The following FARP1 variants were observed in gnomAD, a reference collection of about 807,000 sequenced individuals.
FARP1 encodes FERM, ARHGEF and pleckstrin domain-containing protein 1.
FARP1 carries 52 observed loss-of-function variants against 128.8 expected under a neutral mutation model. That is an observed-to-expected ratio of 0.40 (90% confidence interval 0.32 to 0.51). The LOEUF is 0.51. Among genes scored for constraint, FARP1 ranks in the 20% least tolerant of loss-of-function variants. The pLI is 0.45. For missense variants in FARP1, 1,333 were observed against 1,367.9 expected (o/e 0.97, Z 0.40); for synonymous variants, 580 against 551.8 (o/e 1.05, Z -0.72).
chr13:98,405,473 G>C (rs1308171753), intron 13 of FARP1: 3 of 152,278 alleles, frequency 2.0e-5, no homozygotes, highest in Middle Eastern at 3.4e-3. Context: ...TCAGTCTGAG[G>C]GGGGCAGCAT....
At chr13:98,253,673 G>T (rs562450296) in intron 2 of FARP1, among the ~76,000 whole-genome samples, 8 of 152,182 alleles carry the variant, frequency 5.3e-5, no homozygotes, top group Non-Finnish European at 1.2e-4. Flanking sequence ...ATCCAAGGTC[G>T]CACCGCTAAG....
chr13:98,361,076 A>G (rs1402560184), intron 3 of FARP1, among the ~76,000 whole-genome samples: 1 of 152,204 alleles, frequency 6.6e-6, no homozygotes, highest in African/African-American at 2.4e-5. Flanking sequence ...AGCAAAGGCC[A>G]GTGCTTTCAC....
intron 2 of FARP1, among the ~76,000 whole-genome samples, chr13:98,259,201 G>C (rs1184932114): frequency 1.3e-5 from 2 of 152,126 alleles, no homozygotes; most frequent in Admixed American, 1.3e-4. Context: ...CTGGGCAACA[G>C]AGCAAGACCC....
rs373394906 is a variant in FARP1, at chr13:98,423,052, C to CA, written c.1827-1519dup. On this transcript the variant is annotated intron_variant, in intron 16 of 26. Coordinates refer to ENST00000319562, the MANE Select transcript of FARP1 (RefSeq NM_005766.4). ...GAACTTGGGGTCTGATGTTTGAGGG[C>CA]AGGAAGCATCCAGCACAGGAGAAAG... Among the ~76,000 whole-genome samples the CA allele has an allele frequency of 7.1e-3, 1,081 of 152,320 alleles. 11 individuals carry two copies. Among genetic ancestry groups the CA allele is most frequent in the South Asian group, 0.033 (161 of 4,826 alleles).
intron 1 of FARP1, among the ~76,000 whole-genome samples, chr13:98,149,246 T>A (rs1002976787): frequency 6.6e-6 from 1 of 152,136 alleles, no homozygotes; most frequent in African/African-American, 2.4e-5. Flanking sequence ...TCTCTTCTGT[T>A]CCTCTTCCCT....
intron 6 of FARP1, among the ~76,000 whole-genome samples, chr13:98,383,353 A>G (rs941539136): frequency 1.3e-5 from 2 of 152,212 alleles, no homozygotes; most frequent in East Asian, 1.9e-4. Flanking sequence ...AGAAAAGGCA[A>G]TTAGGAAATA....
intron 2 of FARP1, among the ~76,000 whole-genome samples, chr13:98,245,489 G>C (rs1883004532): frequency 6.6e-6 from 1 of 152,118 alleles, no homozygotes; most frequent in African/African-American, 2.4e-5. Context: ...GAGTGACACA[G>C]GAGGCATTTT....
intron 1 of FARP1, among the ~76,000 whole-genome samples, chr13:98,184,318 G>A (rs541888152): frequency 8.5e-5 from 13 of 152,120 alleles, no homozygotes; most frequent in Non-Finnish European, 1.5e-4. Context: ...GGGTTTCACC[G>A]TGTTGGCCAG....
chr13:98,443,567 TC>T lies in FARP1; in HGVS notation c.2797-2528del, dbSNP rs1232034105. 2.0e-5 allele frequency among the ~76,000 whole-genome samples: 3 copies of T among 152,072 alleles called. No individual in the cohort carries two copies. The East Asian group carries it at 5.8e-4, about 29-fold the overall frequency. ...GTGCCCAGCCTCTCCCAGTTCCCACTCCCGTCTGACTCGTGTAGGCACACTT... is the reference window on the plus strand; with the variant it reads ...GTGCCCAGCCTCTCCCAGTTCCCACTCCGTCTGACTCGTGTAGGCACACTT... On this transcript the variant is annotated intron_variant, in intron 24 of 26. Transcript: ENST00000319562.
At chr13:98,193,509 T>G (rs1879376315) in intron 1 of FARP1, among the ~76,000 whole-genome samples, 1 of 152,248 alleles carries the variant, frequency 6.6e-6, no homozygotes, top group Admixed American at 6.5e-5. Context: ...CTGGCATTTC[T>G]TGGTGTTAGT....
intron 1 of FARP1, chr13:98,177,081 C>G (rs1594234145): frequency 1.3e-6 from 2 of 1,597,894 alleles, no homozygotes; most frequent in Non-Finnish European, 1.7e-6. Context: ...CTGTGTCGCC[C>G]TCGTCCCCGC....
chr13:98,267,033 A>C (rs1464114296), intron 2 of FARP1, among the ~76,000 whole-genome samples: 1 of 150,154 alleles, frequency 6.7e-6, no homozygotes, highest in Non-Finnish European at 1.5e-5. Flanking sequence ...AAAAAAAAAA[A>C]AGGGGTGGTA....
At chr13:98,205,267 TC>T (rs1191137424) in intron 1 of FARP1, among the ~76,000 whole-genome samples, 2 of 152,208 alleles carry the variant, frequency 1.3e-5, no homozygotes, top group Non-Finnish European at 2.9e-5. Context: ...ATCTTTAATT[TC>T]TAAAATGTTT....
chr13:98,223,078 G>A (rs1881522754), intron 2 of FARP1, among the ~76,000 whole-genome samples: 2 of 152,112 alleles, frequency 1.3e-5, no homozygotes, highest in African/African-American at 4.8e-5. Context: ...AATGTCAGGG[G>A]ACTGACAGAT....
intron 4 of FARP1, 95 bp from the exon 5 acceptor site, chr13:98,368,022 G>A: frequency 1.0e-6 from 1 of 952,440 alleles, no homozygotes; most frequent in Non-Finnish European, 1.6e-6. Context: ...AGCTTGGAAT[G>A]AGATGCATTA....
intron 18 of FARP1, chr13:98,433,012 G>A (rs1397945732): frequency 6.6e-6 from 1 of 152,414 alleles, no homozygotes; most frequent in African/African-American, 2.4e-5. Context: ...GTAAATAGGA[G>A]TTTTCCTGGG....
At chr13:98,267,099 G>A (rs1396373823) in intron 2 of FARP1, among the ~76,000 whole-genome samples, 2 of 151,460 alleles carry the variant, frequency 1.3e-5, no homozygotes, top group Non-Finnish European at 2.9e-5. Context: ...GAATAGCACA[G>A]TAAGAAAAAA....
At chr13:98,414,475 G>T (rs1891304106) in intron 16 of FARP1, among the ~76,000 whole-genome samples, 1 of 152,178 alleles carries the variant, frequency 6.6e-6, no homozygotes, top group Admixed American at 6.5e-5. Flanking sequence ...AAAAGGCTGA[G>T]TGTGAATGAG....
In FARP1 at chr13:98,218,716, T is replaced by C. The variant is rs115172852; in HGVS notation, c.171+5303T>C. Among the ~76,000 whole-genome samples, 783 of 152,294 alleles carry C rather than the reference T, an allele frequency of 5.1e-3. 11 individuals are homozygous for C. The highest frequency in any genetic ancestry group is 0.018 in the African/African-American group (743 of 41,544). On this transcript the variant is annotated intron_variant, in intron 2 of 26. Coordinates refer to ENST00000319562, the MANE Select transcript of FARP1 (RefSeq NM_005766.4). ...AGGAAATGTTGTGATTGGCCTTATG[T>C]GCGTGTGGGGTGGCTGTTTTCATAA...
Sources: gnomAD v4.1 joint callset for allele counts (sites outside exome capture counted in the v4.1 genomes callset) on GRCh38, gnomAD v4.1.1 for gene constraint, MANE v1.5 for transcripts, NCBI Gene and HGNC (gene_info 2026-07-23, HGNC 2026-07-21) for gene names.